LPAR5: variants seen among roughly 807,000 people sequenced by gnomAD.
The protein encoded by LPAR5 is G protein-coupled receptor 92.
For synonymous variants in LPAR5, 271 were observed against 261.6 expected, an observed-to-expected ratio of 1.04 and a Z score of -0.35; for missense variants, 544 against 521.8, an observed-to-expected ratio of 1.04 and a Z score of -0.41.
intron 1 of LPAR5, among the ~76,000 whole-genome samples, chr12:6,624,279 C>T (rs952300913): frequency 9.9e-5 from 15 of 152,142 alleles, no homozygotes; most frequent in Non-Finnish European, 1.8e-4. Context: ...CATCGCACTC[C>T]GGCCTGGGAG....
chr12:6,629,300 C>T (rs182342589), intron 1 of LPAR5, among the ~76,000 whole-genome samples: 2,654 of 148,252 alleles, frequency 0.018, 92 homozygotes, highest in African/African-American at 0.061. Flanking sequence ...TGCTTGAGCC[C>T]GGGAGACGGA....
Position 6,621,001 on chromosome 12 carries a change from G to A in LPAR5, c.248C>T (p.Ala83Val). 1 of 1,613,516 alleles carries A rather than the reference G, an allele frequency of 6.2e-7. No individual in the cohort carries two copies. The highest frequency in any genetic ancestry group is 8.5e-7 in the Non-Finnish European group (1 of 1,179,762). ...GTCGGGGAAGGGCCAGTGGTGCAGT[G>A]CGTAGTAGGAGAGACGAACGGGCAG... ...LSLPVRLSYY[A>V]LHHWPFPDLL... Residue 83 changes from alanine to valine, a missense_variant, in exon 2 of 2, where the codon GCA becomes GTA. Physicochemically the swap from Ala to Val is moderately conservative, Grantham distance 64. Transcript: ENST00000329858.
chr12:6,620,490 C>G lies in LPAR5; in HGVS notation c.759G>C (p.Thr253=), dbSNP rs761566111. Residue 253 remains threonine, a synonymous_variant, in exon 2 of 2, where the codon ACG becomes ACC. Coordinates refer to ENST00000329858, the MANE Select transcript of LPAR5 (RefSeq NM_020400.6). This position sits in a 1 kb window ranked among gnomAD's most constrained non-coding sequence, Gnocchi z 6.8. ...FLLCFVPYNS[T]LAVYGLLRSK... ...TCCGCAGCAGCCCGTAGACCGCCAG[C>G]GTGCTGTTGTAGGGCACGAAGCACA... is the stretch of plus-strand genomic sequence containing the variant. 3 of 1,587,046 alleles carry G rather than the reference C, an allele frequency of 1.9e-6. No individual in the cohort carries two copies. In the South Asian group the frequency reaches 3.4e-5, roughly 18 times the overall value.
intron 1 of LPAR5, among the ~76,000 whole-genome samples, chr12:6,625,724 A>G (rs905055779): frequency 6.6e-6 from 1 of 151,864 alleles, no homozygotes; most frequent in African/African-American, 2.4e-5. Context: ...CCGTCTCAAA[A>G]AAAAAAAAAG....
chr12:6,623,187 G>C (rs373710015), intron 1 of LPAR5, among the ~76,000 whole-genome samples: 1 of 151,516 alleles, frequency 6.6e-6, no homozygotes, highest in East Asian at 1.9e-4. Flanking sequence ...GCAGTGAGCT[G>C]ACATCGTACC....
In LPAR5 at chr12:6,620,587, G is replaced by A. The variant is rs1592296174; in HGVS notation, c.662C>T (p.Pro221Leu). The A allele has an allele frequency of 6.4e-7, 1 of 1,551,346 alleles. No homozygotes were observed. The highest frequency in any genetic ancestry group is 1.2e-5 in the South Asian group (1 of 84,520). The change falls in exon 2 of 2, where the codon CCC becomes CTC. Residue 221 changes from proline (P) to leucine (L), a missense_variant. By Grantham distance (98) the Pro-to-Leu change is moderately conservative (BLOSUM62 -3). Coordinates refer to ENST00000329858, the MANE Select transcript of LPAR5 (RefSeq NM_020400.6). The surrounding 1 kb of genome is among the most constrained non-coding windows in gnomAD (Gnocchi z 6.8). ...SGRVFWTLAR[P>L]DATQSQRRRK... ...CCGCCGCTGGCTCTGCGTGGCGTCG[G>A]GGCGCGCCAGCGTCCAGAAGACTCG...
intron 1 of LPAR5, among the ~76,000 whole-genome samples, chr12:6,634,788 C>A (rs1455015352): frequency 1.4e-5 from 2 of 142,418 alleles, no homozygotes; most frequent in Admixed American, 7.0e-5. Context: ...AGAGTGAGAT[C>A]CTGTCTTGAA....
intron 1 of LPAR5, among the ~76,000 whole-genome samples, chr12:6,629,115 C>T (rs564711547): frequency 2.4e-4 from 36 of 149,734 alleles, no homozygotes; most frequent in Non-Finnish European, 4.4e-4. Context: ...GTGGCTCACG[C>T]CTGTAATCCC....
intron 1 of LPAR5, among the ~76,000 whole-genome samples, chr12:6,634,512 A>G (rs1389643381): frequency 1.3e-5 from 2 of 152,064 alleles, no homozygotes. Context: ...TCAAGCCTAT[A>G]TTTCCAGCTA....
chr12:6,624,023 A>C (rs762126475), intron 1 of LPAR5, among the ~76,000 whole-genome samples: 6 of 152,176 alleles, frequency 3.9e-5, no homozygotes, highest in Non-Finnish European at 5.9e-5. Context: ...TACGCATCAC[A>C]TGCATCACTG....
intron 1 of LPAR5, among the ~76,000 whole-genome samples, chr12:6,622,509 GA>G (rs1948904148): frequency 6.6e-6 from 1 of 151,840 alleles, no homozygotes. Context: ...AGCACTTTGG[GA>G]GGCTGAGGTG....
At chr12:6,628,488 G>A (rs1402996950) in intron 1 of LPAR5, among the ~76,000 whole-genome samples, 3 of 149,760 alleles carry the variant, frequency 2.0e-5, no homozygotes, top group Non-Finnish European at 3.0e-5. Flanking sequence ...ATGGAGTTTC[G>A]CATGCTCTGT....
At chr12:6,634,301 C>T (rs1271820024) in intron 1 of LPAR5, among the ~76,000 whole-genome samples, 1 of 151,954 alleles carries the variant, frequency 6.6e-6, no homozygotes, top group Non-Finnish European at 1.5e-5. Context: ...CACCACGCTC[C>T]GCTCTACAAA....
intron 1 of LPAR5, among the ~76,000 whole-genome samples, chr12:6,629,089 C>A (rs1470380848): frequency 1.4e-5 from 2 of 146,560 alleles, no homozygotes; most frequent in Non-Finnish European, 3.0e-5. Flanking sequence ...GAAAAAGTTA[C>A]AATGTACCGG....
Position 6,619,206 on chromosome 12 carries a change from G to T in LPAR5, c.*924C>A, listed in dbSNP as rs1948864123. 6.6e-6 allele frequency: 1 copy of T among 152,122 alleles called. No individual in the cohort carries two copies. The highest frequency in any genetic ancestry group is 1.5e-5 in the Non-Finnish European group (1 of 68,030). The allele number at this position is 152,122 out of a possible 1,614,324, so 9.4% of individuals were successfully genotyped here. A position where few individuals can be genotyped will look rare whatever the true frequency, so the allele number is the denominator to read the frequency against. Reference sequence around the variant, plus strand: ...ATTTCTAGTATGGTAAGTATCAAAAGAACAAAATATAAGCAAAGCTCTTTG... The same window carrying T: ...ATTTCTAGTATGGTAAGTATCAAAATAACAAAATATAAGCAAAGCTCTTTG... On this transcript the variant is annotated 3_prime_UTR_variant, in exon 2 of 2. Coordinates refer to ENST00000329858, the MANE Select transcript of LPAR5 (RefSeq NM_020400.6).
intron 1 of LPAR5, among the ~76,000 whole-genome samples, chr12:6,622,964 C>T (rs117640469): frequency 0.032 from 4,891 of 151,494 alleles, 123 homozygotes; most frequent in Middle Eastern, 0.079. Flanking sequence ...CCAGGGCCGG[C>T]GTAGTGGCCC....
At chr12:6,629,358 A>C (rs1948966886) in intron 1 of LPAR5, among the ~76,000 whole-genome samples, 1 of 137,464 alleles carries the variant, frequency 7.3e-6, no homozygotes, top group Non-Finnish European at 1.5e-5. Context: ...CCTGGCCAAC[A>C]GAGCGAGACT....
chr12:6,632,064 C>T (rs890543773), intron 1 of LPAR5, among the ~76,000 whole-genome samples: 14 of 152,278 alleles, frequency 9.2e-5, no homozygotes, highest in African/African-American at 2.4e-4. Context: ...CTCTGCCTCC[C>T]GGATTCACGC....
At chr12:6,630,045 T>C (rs1295894588) in intron 1 of LPAR5, among the ~76,000 whole-genome samples, 1 of 151,790 alleles carries the variant, frequency 6.6e-6, no homozygotes, top group African/African-American at 2.4e-5. Context: ...AATAAATAAA[T>C]GTAAAGGTAT....
Sources: gnomAD v4.1 joint callset for allele counts (sites outside exome capture counted in the v4.1 genomes callset) on GRCh38, gnomAD v4.1.1 for gene constraint, Gnocchi (gnomAD v3.1) non-coding constraint, MANE v1.5 for transcripts, NCBI Gene and HGNC (gene_info 2026-07-23, HGNC 2026-07-21) for gene names.